The following CNOT1 variants were observed in gnomAD, a reference collection of about 807,000 sequenced individuals.
The protein encoded by CNOT1 is CCR4-associated factor 1.
A neutral mutation model predicts 273.8 loss-of-function variants in CNOT1; 15 were observed. The observed-to-expected ratio is 0.05, with a 90% CI of 0.04 to 0.08. CNOT1 has a LOEUF of 0.08. CNOT1 is among the 10% of genes least tolerant of loss of function. The pLI, the probability that CNOT1 is intolerant of heterozygous loss-of-function variation, is 1.00. For synonymous variants in CNOT1, 1,022 were observed against 1,005.5 expected (o/e 1.02, Z -0.31); for missense variants, 1,644 against 2,912.2 (o/e 0.56, Z 10.02).
chr16:58,524,830 C>G (rs536898196), intron 46 of CNOT1, among the ~76,000 whole-genome samples: 1 of 152,164 alleles, frequency 6.6e-6, no homozygotes, highest in Non-Finnish European at 1.5e-5. Context: ...GCCTGCCAAA[C>G]ACGCACCAAT....
chr16:58,534,390 G>A lies in CNOT1; in HGVS notation c.5652C>T (p.His1884=). 3 of 1,613,392 alleles carry A rather than the reference G, an allele frequency of 1.9e-6. No individual in the cohort carries two copies. The highest frequency in any genetic ancestry group is 2.5e-6 in the Non-Finnish European group (3 of 1,179,674). Residue 1884 remains histidine, a synonymous_variant, in exon 40 of 49, where the codon CAC becomes CAT. Coordinates refer to ENST00000317147, the MANE Select transcript of CNOT1 (RefSeq NM_016284.5). The part of the protein sequence containing the change: ...KAFSAFVGQM[H]QQGILKTDDL... ...CATCGGTCTTCAGTATTCCTTGCTGGTGCATCTACAACAGGAACAAAAAAT... is the reference window on the plus strand; with the variant it reads ...CATCGGTCTTCAGTATTCCTTGCTGATGCATCTACAACAGGAACAAAAAAT...
chr16:58,566,928 G>A (rs2041064187), intron 16 of CNOT1, among the ~76,000 whole-genome samples: 1 of 152,104 alleles, frequency 6.6e-6, no homozygotes, highest in African/African-American at 2.4e-5. Context: ...ACCGCGCCCA[G>A]CCTAGTATCA....
chr16:58,539,847 G>C lies in CNOT1; in HGVS notation c.4913C>G (p.Ala1638Gly), dbSNP rs921997001. 46 of 1,614,056 alleles carry C rather than the reference G, an allele frequency of 2.8e-5. No individual in the cohort carries two copies. Among genetic ancestry groups the C allele is most frequent in the African/African-American group, 4.0e-5 (3 of 74,920 alleles). ...PTLAMNPQAQALRSLLEVVVL... is the reference protein window; with the variant it reads ...PTLAMNPQAQGLRSLLEVVVL... ...TACAACCTCCAAGAGACTTCGAAGA[G>C]CCTGAGCTTGAGGGTTCATGGCCAA... Residue 1638 changes from alanine to glycine, a missense_variant, in exon 35 of 49, where the codon GCT (alanine) becomes GGT (glycine). By Grantham distance (60) the Ala-to-Gly change is moderately conservative. Transcript: ENST00000317147.
rs538883208 is a variant in CNOT1, at chr16:58,543,124, C to A, written c.4434+483G>T. Reference sequence around the variant, plus strand: ...CATTAAAAAAAAGGCAAAAAACAACCAAAAAAAATCATTAAAGCAGTAAAC... The same window carrying A: ...CATTAAAAAAAAGGCAAAAAACAACAAAAAAAAATCATTAAAGCAGTAAAC... On this transcript the variant is annotated intron_variant, in intron 31 of 48. Transcript: ENST00000317147. The A allele has an allele frequency of 4.0e-5, 52 of 1,304,060 alleles. No individual in the cohort carries two copies. In the East Asian group the frequency reaches 1.5e-3, roughly 37 times the overall value. The allele number at this position is 1,304,060 out of a possible 1,614,324, so 80.8% of individuals were successfully genotyped here.
intron 16 of CNOT1, among the ~76,000 whole-genome samples, chr16:58,560,895 C>T (rs1188971127): frequency 6.6e-6 from 1 of 152,068 alleles, no homozygotes; most frequent in Non-Finnish European, 1.5e-5. Flanking sequence ...CATGGTGGCG[C>T]ATGCCTGTAG....
In CNOT1 at chr16:58,558,530, T is replaced by C. The variant is rs2040717230; in HGVS notation, c.2275A>G (p.Thr759Ala). Residue 759 changes from threonine to alanine, a missense_variant, in exon 18 of 49, where the codon ACC (threonine) becomes GCC (alanine). Coordinates refer to ENST00000317147, the MANE Select transcript of CNOT1 (RefSeq NM_016284.5). ...CTGAATGCAGTGGTCTGATTGGGGG[T>C]TGAAAGGGGTGGAAATGCTTTTGCT... is the stretch of plus-strand genomic sequence containing the variant. Reference protein sequence around the residue: ...SPAKAFPPLSTPNQTTAFSGI... With the variant: ...SPAKAFPPLSAPNQTTAFSGI... 1 of 1,612,842 alleles carries C rather than the reference T, an allele frequency of 6.2e-7. No homozygotes were observed. The highest frequency in any genetic ancestry group is 1.7e-5 in the Admixed American group (1 of 59,782).
intron 31 of CNOT1, among the ~76,000 whole-genome samples, chr16:58,542,897 C>A (rs1208678122): frequency 6.6e-6 from 1 of 152,074 alleles, no homozygotes; most frequent in African/African-American, 2.4e-5. Context: ...TTGAGACCAG[C>A]CTAGCCAACA....
chr16:58,592,447 G>A lies in CNOT1; in HGVS notation c.103-3541C>T, dbSNP rs78440448. ...ATATAAACAAGCTGGGTGTGGTGGA[G>A]CACAGCTATAGTCCTAACTACTGGG... On this transcript the variant is annotated intron_variant, in intron 2 of 48. Coordinates refer to ENST00000317147, the MANE Select transcript of CNOT1 (RefSeq NM_016284.5). 2.7e-4 allele frequency among the ~76,000 whole-genome samples: 41 copies of A among 152,284 alleles called. No individual in the cohort carries two copies. In the East Asian group the frequency reaches 4.1e-3, roughly 15 times the overall value.
At chr16:58,602,757 A>C (rs568312535) in intron 1 of CNOT1, among the ~76,000 whole-genome samples, 27 of 151,832 alleles carry the variant, frequency 1.8e-4, no homozygotes, top group African/African-American at 6.0e-4. Context: ...ATAATAAAAA[A>C]AATTTTTTTA....
At chr16:58,628,599 T>TCA (rs1555504124) in intron 1 of CNOT1, among the ~76,000 whole-genome samples, 1 of 141,118 alleles carries the variant, frequency 7.1e-6, no homozygotes, top group Non-Finnish European at 1.5e-5. Flanking sequence ...ATCACTGACT[T>TCA]AAAAAAAAAA....
chr16:58,550,040 A>G, intron 24 of CNOT1, 142 bp from the exon 25 acceptor site: 2 of 1,294,882 alleles, frequency 1.5e-6, no homozygotes, highest in South Asian at 3.0e-5. Flanking sequence ...CACACCAGAT[A>G]GATGCTATGA....
In CNOT1 at chr16:58,581,422, C is replaced by A. The variant is rs2041654712; in HGVS notation, c.1138G>T (p.Gly380Cys). ...TCCATACCCAAACCCCTCTGAATGC[C>A]ATAAACCACATTATGAAGTCCTTTA... Reference protein sequence around the residue: ...DSKGLHNVVYGIQRGLGMEVF... With the variant: ...DSKGLHNVVYCIQRGLGMEVF... Residue 380 changes from glycine (G) to cysteine (C), a missense_variant, in exon 11 of 49, where the codon GGC (glycine) becomes TGC (cysteine). Gly to Cys is a radical substitution (Grantham distance 159). This residue lies in a region of CNOT1 where 706 missense variants were observed against 1,021.2 expected (regional missense o/e 0.69). Transcript: ENST00000317147. 6.2e-7 allele frequency: 1 copy of A among 1,613,902 alleles called. No homozygotes were observed. Among genetic ancestry groups the A allele is most frequent in the African/African-American group, 1.3e-5 (1 of 74,896 alleles).
Position 58,525,980 on chromosome 16 carries a change from C to T in CNOT1, c.6603+9G>A. 1 of 1,612,804 alleles carries T rather than the reference C, an allele frequency of 6.2e-7. No homozygotes were observed. ...AGACGTAGATGAGTTTTAAGCCAAA[C>T]CAATTAACCTGTAGGTTGCTGCGCA... On this transcript the variant is annotated intron_variant, in intron 45 of 48. Coordinates refer to ENST00000317147, the MANE Select transcript of CNOT1 (RefSeq NM_016284.5).
At chr16:58,553,925 T>C in intron 21 of CNOT1, 65 bp from the exon 22 acceptor site, 3 of 1,519,820 alleles carry the variant, frequency 2.0e-6, no homozygotes, top group African/African-American at 1.4e-5. Context: ...CAAAATGTTT[T>C]TGTCCAAATG....
At chr16:58,533,787 T>C (rs972146076) in intron 40 of CNOT1, among the ~76,000 whole-genome samples, 16 of 152,270 alleles carry the variant, frequency 1.1e-4, no homozygotes, top group African/African-American at 3.8e-4. Flanking sequence ...ATTGCACCAC[T>C]GCACTCCAGT....
At chr16:58,577,209 A>G (rs1243467778) in intron 13 of CNOT1, among the ~76,000 whole-genome samples, 1 of 152,124 alleles carries the variant, frequency 6.6e-6, no homozygotes, top group Non-Finnish European at 1.5e-5. Flanking sequence ...TACTATTGCT[A>G]TATCTAAGTA....
At chr16:58,605,772 C>T (rs1284291967) in intron 1 of CNOT1, among the ~76,000 whole-genome samples, 3 of 152,154 alleles carry the variant, frequency 2.0e-5, no homozygotes, top group African/African-American at 4.8e-5. Flanking sequence ...GATCCTCCTA[C>T]CTCAGCTTCC....
chr16:58,569,515 C>CAAA (rs35866624), intron 16 of CNOT1, among the ~76,000 whole-genome samples: 11 of 141,230 alleles, frequency 7.8e-5, no homozygotes, highest in South Asian at 6.7e-4. Context: ...TAGAAATTAG[C>CAAA]AAAAAAAAAA....
At position 58,555,805 on chromosome 16, in the gene CNOT1, A is replaced by G; in HGVS notation, c.2583T>C (p.His861=). 1 of 1,614,060 alleles carries G rather than the reference A, an allele frequency of 6.2e-7. No homozygotes were observed. The highest frequency in any genetic ancestry group is 8.5e-7 in the Non-Finnish European group (1 of 1,180,026). ...TCACCTCATCAACAGACATGGTTGG[A>G]TGTGGTGGATGATTATATATTCGCT... The part of the protein sequence containing the change: ...YFQRIYNHPP[H]PTMSVDEVLE... Residue 861 remains histidine (H), a synonymous_variant, in exon 20 of 49, where the codon CAT becomes CAC. Transcript: ENST00000317147.
Sources: allele counts gnomAD v4.1 joint callset (sites outside exome capture counted in the v4.1 genomes callset), GRCh38; gene constraint gnomAD v4.1.1; regional missense constraint gnomAD v4.1.1; transcripts MANE v1.5; gene names NCBI Gene and HGNC (gene_info 2026-07-23, HGNC 2026-07-21).